Variants in WASL observed in about 807,000 individuals in gnomAD.
The protein encoded by WASL is WASP like actin nucleation promoting factor, also known as actin nucleation-promoting factor WASL.
A neutral mutation model predicts 55.5 loss-of-function variants in WASL; 20 were observed. The observed-to-expected ratio is 0.36, with a 90% confidence interval of 0.25 to 0.52. The LOEUF (loss-of-function observed/expected upper bound fraction) is 0.52. WASL is among the 20% of genes least tolerant of loss of function. The pLI is 0.92. For synonymous variants in WASL, 249 were observed against 217.6 expected (o/e 1.14, Z -1.27); for missense variants, 504 against 622.5 (o/e 0.81, Z 2.03).
intron 1 of WASL, chr7:123,720,444 T>C: frequency 4.8e-6 from 2 of 417,654 alleles, no homozygotes; most frequent in Admixed American, 3.1e-5. Flanking sequence ...GGGTAGCATA[T>C]ACTAACGTCT....
At chr7:123,718,479 A>G (rs544931128) in intron 1 of WASL, among the ~76,000 whole-genome samples, 52 of 152,286 alleles carry the variant, frequency 3.4e-4, no homozygotes, top group African/African-American at 1.2e-3. Context: ...AAACACAAAA[A>G]CACTAAGATA....
intron 1 of WASL, among the ~76,000 whole-genome samples, chr7:123,747,019 G>C (rs1804443397): frequency 6.6e-6 from 1 of 152,158 alleles, no homozygotes; most frequent in Admixed American, 6.5e-5. Flanking sequence ...GCAAACATTA[G>C]TGGTGCTTTA....
At chr7:123,699,165 C>T (rs555603655) in intron 5 of WASL, among the ~76,000 whole-genome samples, 25 of 152,304 alleles carry the variant, frequency 1.6e-4, no homozygotes, top group African/African-American at 5.8e-4. Context: ...GCGGGCAGAT[C>T]ATGAGGTCAG....
intron 1 of WASL, among the ~76,000 whole-genome samples, chr7:123,740,765 T>C (rs1217619903): frequency 1.3e-5 from 2 of 152,136 alleles, no homozygotes; most frequent in African/African-American, 4.8e-5. Context: ...CCAGCTACTT[T>C]TTCTTGTAGA....
intron 5 of WASL, among the ~76,000 whole-genome samples, chr7:123,703,613 T>C (rs143229600): frequency 4.9e-4 from 74 of 152,230 alleles, no homozygotes; most frequent in African/African-American, 1.8e-3. Context: ...AATAATAAGG[T>C]AAACAACCCA....
chr7:123,690,803 A>G (rs1391459021), intron 9 of WASL, among the ~76,000 whole-genome samples: 1 of 152,218 alleles, frequency 6.6e-6, no homozygotes, highest in Non-Finnish European at 1.5e-5. Flanking sequence ...GGAAATAGAA[A>G]AGGAAAACAA....
intron 9 of WASL, 78 bp from the exon 10 acceptor site, chr7:123,689,228 T>A: frequency 8.7e-7 from 1 of 1,145,018 alleles, no homozygotes. Flanking sequence ...CCTACTTTCT[T>A]AGAATCACTT....
intron 1 of WASL, among the ~76,000 whole-genome samples, chr7:123,734,775 T>A (rs1437651524): frequency 6.6e-6 from 1 of 151,958 alleles, no homozygotes; most frequent in Non-Finnish European, 1.5e-5. Context: ...ATACAAAGAC[T>A]TAAATCTAAC....
intron 5 of WASL, among the ~76,000 whole-genome samples, chr7:123,700,493 T>C (rs1192962577): frequency 6.6e-6 from 1 of 151,330 alleles, no homozygotes. Context: ...CAGGCTGGAG[T>C]GCAATGGCGC....
At chr7:123,713,434 C>T (rs1405462681) in intron 1 of WASL, among the ~76,000 whole-genome samples, 1 of 152,052 alleles carries the variant, frequency 6.6e-6, no homozygotes, top group Non-Finnish European at 1.5e-5. Context: ...ATTACAGATG[C>T]GAGCCACTGT....
chr7:123,732,203 G>A (rs1349831704), intron 1 of WASL, among the ~76,000 whole-genome samples: 3 of 152,128 alleles, frequency 2.0e-5, no homozygotes, highest in East Asian at 1.9e-4. Flanking sequence ...GGTGGCGGAC[G>A]CCTGTAGTCC....
At chr7:123,686,012 T>C (rs1803281736) in intron 10 of WASL, among the ~76,000 whole-genome samples, 2 of 150,794 alleles carry the variant, frequency 1.3e-5, no homozygotes, top group Admixed American at 6.6e-5. Flanking sequence ...GTGGGTTACA[T>C]GTACAGAACA....
intron 5 of WASL, among the ~76,000 whole-genome samples, chr7:123,699,334 C>T (rs1237541484): frequency 6.6e-5 from 10 of 151,994 alleles, no homozygotes; most frequent in South Asian, 4.2e-4. Context: ...GCTGAGATTG[C>T]GCCACTGACT....
At chr7:123,691,988 C>T (rs185821029) in intron 9 of WASL, among the ~76,000 whole-genome samples, 236 of 152,262 alleles carry the variant, frequency 1.5e-3, no homozygotes, top group African/African-American at 5.4e-3. Context: ...TGCAAACATC[C>T]TGTAAAATTC....
intron 5 of WASL, among the ~76,000 whole-genome samples, chr7:123,702,538 C>T (rs1005637405): frequency 1.3e-5 from 2 of 152,150 alleles, no homozygotes; most frequent in Non-Finnish European, 2.9e-5. Context: ...ATTCCACATC[C>T]ATGGATTCGA....
chr7:123,699,189 G>A (rs1460509724), intron 5 of WASL, among the ~76,000 whole-genome samples: 1 of 152,024 alleles, frequency 6.6e-6, no homozygotes, highest in Admixed American at 6.6e-5. Context: ...TTCGAGACCA[G>A]CCTGGCCAAT....
At chr7:123,737,223 C>T (rs1175593544) in intron 1 of WASL, among the ~76,000 whole-genome samples, 3 of 152,098 alleles carry the variant, frequency 2.0e-5, no homozygotes, top group African/African-American at 4.8e-5. Flanking sequence ...TATTCAAAAC[C>T]GTCCTGGGCC....
At chr7:123,687,370 A>T (rs1229185246) in intron 10 of WASL, among the ~76,000 whole-genome samples, 2 of 151,700 alleles carry the variant, frequency 1.3e-5, no homozygotes, top group Non-Finnish European at 2.9e-5. Flanking sequence ...GCCTCCTACT[A>T]CTTCTTGTAT....
At chr7:123,745,516 C>A (rs1275019884) in intron 1 of WASL, among the ~76,000 whole-genome samples, 1 of 151,890 alleles carries the variant, frequency 6.6e-6, no homozygotes, top group East Asian at 1.9e-4. Context: ...AAATATAGAC[C>A]AAAAATTGAA....
Sources: gnomAD v4.1 joint callset for allele counts (sites outside exome capture counted in the v4.1 genomes callset) on GRCh38, gnomAD v4.1.1 for gene constraint, MANE v1.5 for transcripts, NCBI Gene and HGNC (gene_info 2026-07-23, HGNC 2026-07-21) for gene names.